Variants in RBFOX1 observed in about 807,000 individuals in gnomAD.
RBFOX1 encodes the protein RNA binding fox-1 homolog 1, also known as RNA binding protein fox-1 homolog 1.
Under a neutral mutation model 57.7 loss-of-function variants are expected in RBFOX1, and 8 were observed. The ratio of observed to expected loss-of-function variants is 0.14; its 90% CI spans 0.08 to 0.25. RBFOX1 has a LOEUF of 0.25. RBFOX1 is among the 10% of genes least tolerant of loss of function. RBFOX1 has a pLI of 1.00. For synonymous variants in RBFOX1, 326 were observed against 222.4 expected (o/e 1.47, Z -4.15); for missense variants, 611 against 548.5 (o/e 1.11, Z -1.14).
chr16:6,243,166 G>GTGTT (rs1224774528), intron 1 of RBFOX1, among the ~76,000 whole-genome samples: 2 of 151,784 alleles, frequency 1.3e-5, no homozygotes, highest in African/African-American at 4.8e-5. Flanking sequence ...GTGTGTGTGT[G>GTGTT]TTTATGTACA....
intron 3 of RBFOX1, among the ~76,000 whole-genome samples, chr16:5,673,746 A>G (rs1441887315): frequency 1.3e-5 from 2 of 152,026 alleles, no homozygotes; most frequent in Non-Finnish European, 2.9e-5. Context: ...TTTCTCTTCT[A>G]CCTTACAAAT....
chr16:6,813,394 G>A lies in RBFOX1; in HGVS notation c.-16+158744G>A, dbSNP rs141192289. 4.2e-3 allele frequency among the ~76,000 whole-genome samples: 640 copies of A among 152,220 alleles called. 1 individual carries two copies. The highest frequency in any genetic ancestry group is 9.2e-3 in the African/African-American group (382 of 41,546). On this transcript the variant is annotated intron_variant, in intron 3 of 15. Coordinates refer to ENST00000550418, the MANE Select transcript of RBFOX1 (RefSeq NM_018723.4). ...TGCAATTCCCATCTTGAGAATGCTCGTATGGGTTCCCAGGTGTCACCTCTG... is the reference window on the plus strand; with the variant it reads ...TGCAATTCCCATCTTGAGAATGCTCATATGGGTTCCCAGGTGTCACCTCTG...
intron 2 of RBFOX1, among the ~76,000 whole-genome samples, chr16:6,439,637 C>G (rs2094325228): frequency 6.6e-6 from 1 of 152,140 alleles, no homozygotes; most frequent in African/African-American, 2.4e-5. Context: ...AACCACTATT[C>G]TCTCCTGTGT....
At chr16:5,818,013 G>A (rs546640008) in intron 3 of RBFOX1, among the ~76,000 whole-genome samples, 31 of 152,114 alleles carry the variant, frequency 2.0e-4, no homozygotes, top group Non-Finnish European at 3.4e-4. Flanking sequence ...TGTATTAAGC[G>A]TATTTGTCTT....
At chr16:6,129,839 C>A (rs1252832145) in intron 1 of RBFOX1, among the ~76,000 whole-genome samples, 1 of 150,856 alleles carries the variant, frequency 6.6e-6, no homozygotes, top group Admixed American at 6.6e-5. Flanking sequence ...TAACTGATTT[C>A]TCATAGAAAC....
intron 4 of RBFOX1, among the ~76,000 whole-genome samples, chr16:7,162,627 G>T (rs1437642904): frequency 6.6e-6 from 1 of 151,886 alleles, no homozygotes; most frequent in Non-Finnish European, 1.5e-5. Flanking sequence ...TACTGGGGAG[G>T]CTGAGGCAGG....
At chr16:6,551,880 A>G (rs1218745024) in intron 2 of RBFOX1, among the ~76,000 whole-genome samples, 1 of 152,202 alleles carries the variant, frequency 6.6e-6, no homozygotes, top group Non-Finnish European at 1.5e-5. Context: ...TCAGAGTGGG[A>G]AAAGCCTTCA....
At chr16:6,630,493 A>T (rs1158494364) in intron 2 of RBFOX1, among the ~76,000 whole-genome samples, 1 of 152,148 alleles carries the variant, frequency 6.6e-6, no homozygotes, top group Non-Finnish European at 1.5e-5. Context: ...ATTTCCTTCT[A>T]ACATGGTCTT....
At chr16:6,492,259 C>G (rs980613771) in intron 2 of RBFOX1, among the ~76,000 whole-genome samples, 1 of 152,112 alleles carries the variant, frequency 6.6e-6, no homozygotes. Context: ...CTGTAGAGGA[C>G]TATTTGGGAA....
chr16:6,466,235 A>AG lies in RBFOX1; in HGVS notation c.-64+149178_-64+149179insG, dbSNP rs551958313. ...ACAGATTAAAACTCTATCTCAAAAAAAAAAAAAAGGATTAAGGATTAAAAA... is the reference window on the plus strand; with the variant it reads ...ACAGATTAAAACTCTATCTCAAAAAAGAAAAAAAAGGATTAAGGATTAAAAA... On this transcript the variant is annotated intron_variant, in intron 2 of 15. Transcript: ENST00000550418. 2.0e-5 allele frequency among the ~76,000 whole-genome samples: 3 copies of AG among 152,036 alleles called. No homozygotes were observed. The South Asian group carries it at 6.2e-4, about 32-fold the overall frequency.
At chr16:7,330,397 T>TG (rs1057188954) in intron 4 of RBFOX1, among the ~76,000 whole-genome samples, 12 of 148,834 alleles carry the variant, frequency 8.1e-5, no homozygotes, top group African/African-American at 2.2e-4. Flanking sequence ...GGTTTTTTTT[T>TG]TTTTTTTTTT....
chr16:6,896,586 C>G (rs901253667), intron 3 of RBFOX1, among the ~76,000 whole-genome samples: 1 of 152,130 alleles, frequency 6.6e-6, no homozygotes, highest in Non-Finnish European at 1.5e-5. Context: ...TTTGTCATTG[C>G]AAATGAGAGG....
At chr16:7,061,353 C>A (rs7189820) in intron 4 of RBFOX1, among the ~76,000 whole-genome samples, 2 of 152,058 alleles carry the variant, frequency 1.3e-5, no homozygotes, top group Admixed American at 6.5e-5. Context: ...AATTGATGAA[C>A]GCAAGGAAAT....
At chr16:6,908,614 G>A (rs887188346) in intron 3 of RBFOX1, among the ~76,000 whole-genome samples, 1 of 152,166 alleles carries the variant, frequency 6.6e-6, no homozygotes, top group Non-Finnish European at 1.5e-5. Context: ...TGATTTAGGT[G>A]GAAATGGTTA....
intron 3 of RBFOX1, among the ~76,000 whole-genome samples, chr16:6,677,513 C>T (rs1054350919): frequency 6.6e-6 from 1 of 152,060 alleles, no homozygotes; most frequent in Non-Finnish European, 1.5e-5. Flanking sequence ...ATTAAGAATT[C>T]CATATCAAAA....
chr16:7,287,680 G>A (rs919595626), intron 4 of RBFOX1, among the ~76,000 whole-genome samples: 2 of 151,586 alleles, frequency 1.3e-5, no homozygotes, highest in Non-Finnish European at 2.9e-5. Context: ...GATAAAAGTC[G>A]CCTCTCAACA....
At chr16:7,671,364 C>A (rs1260831963) in intron 13 of RBFOX1, among the ~76,000 whole-genome samples, 1 of 152,160 alleles carries the variant, frequency 6.6e-6, no homozygotes, top group East Asian at 1.9e-4. Context: ...CTCTCCATTG[C>A]AGAGATTTGC....
chr16:5,999,662 C>A lies in RBFOX1; in HGVS notation c.351+132327C>A, dbSNP rs185724912. 3.2e-4 allele frequency among the ~76,000 whole-genome samples: 48 copies of A among 151,884 alleles called. No homozygotes were observed. The East Asian group carries it at 9.2e-3, about 29-fold the overall frequency. On this transcript the variant is annotated intron_variant, in intron 4 of 19. Transcript: ENST00000641259. The stretch of plus-strand genomic sequence containing the variant: ...GGATCACGAGGTCAGGAGATCGAGA[C>A]CATTCTGGCTAACACGGTGAAACCG...
chr16:6,691,742 A>C (rs1308106627), intron 3 of RBFOX1, among the ~76,000 whole-genome samples: 10 of 152,200 alleles, frequency 6.6e-5, no homozygotes. Context: ...TGGCCAAGGA[A>C]TTTTGCAGAT....
Sources: gnomAD v4.1 joint callset for allele counts (sites outside exome capture counted in the v4.1 genomes callset) on GRCh38, gnomAD v4.1.1 for gene constraint, MANE v1.5 for transcripts, NCBI Gene and HGNC (gene_info 2026-07-23, HGNC 2026-07-21) for gene names.